SP4: variants seen among roughly 807,000 people sequenced by gnomAD.
SP4 encodes the protein transcription factor Sp4.
SP4 carries 19 observed loss-of-function variants against 72.8 expected under a neutral mutation model. The observed-to-expected ratio is 0.26, with a 90% CI of 0.18 to 0.38. SP4 has a LOEUF of 0.38. Ranked by LOEUF, SP4 falls within the 10% of genes least tolerant of loss-of-function variation. SP4 has a pLI of 1.00. For synonymous variants in SP4, 395 were observed against 333.1 expected, an observed-to-expected ratio of 1.19 and a Z score of -2.02; for missense variants, 1,008 against 926.3, an observed-to-expected ratio of 1.09 and a Z score of -1.14.
Position 21,430,249 on chromosome 7 carries a change from T to G in SP4, c.1084T>G (p.Ser362Ala). The G allele has an allele frequency of 6.2e-7, 1 of 1,614,112 alleles. No individual in the cohort carries two copies. Residue 362 changes from serine (S) to alanine (A), a missense_variant, in exon 3 of 6, where the codon TCT becomes GCT. Transcript: ENST00000222584. Reference sequence around the variant, plus strand: ...TAGTTCTGAACGCACCATTGAAGAATCTCAAACACCTGCTGCTACTGAGTC... The same window carrying G: ...TAGTTCTGAACGCACCATTGAAGAAGCTCAAACACCTGCTGCTACTGAGTC... ...ASSSERTIEE[S>A]QTPAATESEA... is the part of the protein sequence containing the mutation.
intron 3 of SP4, among the ~76,000 whole-genome samples, chr7:21,449,503 G>T (rs896733769): frequency 1.3e-5 from 2 of 152,072 alleles, no homozygotes; most frequent in African/African-American, 4.8e-5. Flanking sequence ...GAAGTAACTT[G>T]AAGAGATTCA....
At chr7:21,501,482 C>T (rs2128416019) in intron 5 of SP4, among the ~76,000 whole-genome samples, 1 of 152,246 alleles carries the variant, frequency 6.6e-6, no homozygotes, top group South Asian at 2.1e-4. Context: ...GGTTATTTTG[C>T]TGGTTAAGTC....
intron 5 of SP4, among the ~76,000 whole-genome samples, chr7:21,489,697 C>G (rs1445676416): frequency 2.6e-5 from 4 of 151,482 alleles, no homozygotes; most frequent in Admixed American, 6.6e-5. Context: ...GTAGCTGGGA[C>G]TACAGGCGCC....
At chr7:21,460,934 A>C (rs1231707716) in intron 3 of SP4, among the ~76,000 whole-genome samples, 1 of 151,516 alleles carries the variant, frequency 6.6e-6, no homozygotes, top group Non-Finnish European at 1.5e-5. Flanking sequence ...AGACATAAAG[A>C]TTCTCCAAGT....
intron 4 of SP4, among the ~76,000 whole-genome samples, chr7:21,479,481 T>C (rs1784614081): frequency 1.3e-5 from 2 of 152,216 alleles, no homozygotes; most frequent in Admixed American, 6.5e-5. Context: ...TTGTATTCCA[T>C]TGATCTATAT....
intron 3 of SP4, among the ~76,000 whole-genome samples, chr7:21,463,302 A>T (rs766141941): frequency 6.6e-6 from 1 of 152,162 alleles, no homozygotes; most frequent in African/African-American, 2.4e-5. Context: ...AGGGAAAAAA[A>T]TTGGAACAGC....
At chr7:21,493,052 T>C (rs1428472411) in intron 5 of SP4, among the ~76,000 whole-genome samples, 2 of 151,932 alleles carry the variant, frequency 1.3e-5, no homozygotes, top group Non-Finnish European at 2.9e-5. Context: ...ATACAAAAAT[T>C]AGCTAGGCAT....
At chr7:21,500,044 T>G (rs1044693046) in intron 5 of SP4, among the ~76,000 whole-genome samples, 4 of 152,222 alleles carry the variant, frequency 2.6e-5, no homozygotes, top group African/African-American at 7.2e-5. Flanking sequence ...TAGTCGAATG[T>G]AGTTTCTGGA....
At chr7:21,476,316 T>C (rs1295126284) in intron 3 of SP4, among the ~76,000 whole-genome samples, 1 of 147,250 alleles carries the variant, frequency 6.8e-6, no homozygotes, top group Non-Finnish European at 1.5e-5. Context: ...TTCAGGATAA[T>C]GTTAAGCCAT....
At chr7:21,492,790 A>T (rs990342726) in intron 5 of SP4, among the ~76,000 whole-genome samples, 1 of 152,250 alleles carries the variant, frequency 6.6e-6, no homozygotes, top group Non-Finnish European at 1.5e-5. Context: ...AGAGTATCTG[A>T]ATAACACTCC....
chr7:21,430,590 G>A lies in SP4; in HGVS notation c.1425G>A (p.Gln475=). ...GQISWQTVQV[Q]NIQSLSNLQV... is the part of the protein sequence containing the mutation. ...TCAGTTGGCAAACTGTACAGGTTCA[G>A]AATATTCAGAGTCTTTCAAATTTGC... The change falls in exon 3 of 6, where the codon CAG becomes CAA. Residue 475 remains glutamine (Q), a synonymous_variant. Transcript: ENST00000222584. 6.2e-7 allele frequency: 1 copy of A among 1,614,256 alleles called. No homozygotes were observed. Among genetic ancestry groups the A allele is most frequent in the Non-Finnish European group, 8.5e-7 (1 of 1,180,048 alleles).
At chr7:21,456,975 G>A (rs1270607151) in intron 3 of SP4, among the ~76,000 whole-genome samples, 1 of 151,916 alleles carries the variant, frequency 6.6e-6, no homozygotes, top group East Asian at 2.0e-4. Flanking sequence ...GTAAGCAGGA[G>A]AGTGAAAGGA....
Position 21,435,965 on chromosome 7 carries a change from C to T in SP4, c.1678+5122C>T, listed in dbSNP as rs114111543. Among the ~76,000 whole-genome samples the T allele has an allele frequency of 9.2e-3, 1,406 of 152,080 alleles. 28 individuals carry two copies. The highest frequency in any genetic ancestry group is 0.033 in the African/African-American group (1,352 of 41,482). On this transcript the variant is annotated intron_variant, in intron 3 of 5. Coordinates refer to ENST00000222584, the MANE Select transcript of SP4 (RefSeq NM_003112.5). ...TCGCCCAGGCTGGAGTGCAGTGGCA[C>T]GATATCTGTTCCAACCTCCACCTCC...
At chr7:21,456,254 A>C (rs528088602) in intron 3 of SP4, among the ~76,000 whole-genome samples, 2 of 152,314 alleles carry the variant, frequency 1.3e-5, no homozygotes, top group East Asian at 3.9e-4. Context: ...AGGTCTTTAA[A>C]GGGCCTCAGA....
intron 5 of SP4, among the ~76,000 whole-genome samples, chr7:21,503,107 T>C (rs1781910383): frequency 6.6e-6 from 1 of 152,118 alleles, no homozygotes; most frequent in Non-Finnish European, 1.5e-5. Flanking sequence ...GGGTGGAGCT[T>C]GTCTTCTTTC....
intron 3 of SP4, among the ~76,000 whole-genome samples, chr7:21,431,494 AT>A (rs1363140444): frequency 6.6e-6 from 1 of 152,216 alleles, no homozygotes; most frequent in African/African-American, 2.4e-5. Flanking sequence ...TAATTAAATC[AT>A]GGTCATTGTG....
chr7:21,447,264 C>A (rs988637701), intron 3 of SP4, among the ~76,000 whole-genome samples: 1 of 152,154 alleles, frequency 6.6e-6, no homozygotes, highest in Non-Finnish European at 1.5e-5. Context: ...TACCTCCTAA[C>A]CTTTCCAAAA....
intron 5 of SP4, among the ~76,000 whole-genome samples, chr7:21,508,941 C>T (rs1440079903): frequency 2.7e-5 from 4 of 149,390 alleles, no homozygotes; most frequent in Non-Finnish European, 4.4e-5. Flanking sequence ...TGCTTATTAT[C>T]GATTGATTGT....
chr7:21,485,274 G>C (rs1784782670), intron 5 of SP4, among the ~76,000 whole-genome samples: 2 of 151,892 alleles, frequency 1.3e-5, no homozygotes, highest in South Asian at 4.2e-4. Flanking sequence ...TATTGACTTG[G>C]CTATGAATGA....
Sources: gnomAD v4.1 joint callset for allele counts (sites outside exome capture counted in the v4.1 genomes callset) on GRCh38, gnomAD v4.1.1 for gene constraint, MANE v1.5 for transcripts, NCBI Gene and HGNC (gene_info 2026-07-23, HGNC 2026-07-21) for gene names.